EFHB: variants seen among roughly 807,000 people sequenced by gnomAD.
EFHB encodes the protein EF-hand domain-containing family member B.
In EFHB, 91 loss-of-function variants were observed where a neutral mutation model predicts 87.2. The ratio of observed to expected loss-of-function variants is 1.04; its 90% confidence interval spans 0.88 to 1.24. EFHB has a LOEUF of 1.24. Among genes scored for constraint, EFHB ranks in the 50% most tolerant of loss-of-function variants. The pLI is 0.00. For missense variants in EFHB, 1,084 were observed against 998.8 expected, an observed-to-expected ratio of 1.09 and a Z score of -1.15; for synonymous variants, 325 against 333.6, an observed-to-expected ratio of 0.97 and a Z score of 0.28.
At position 19,884,939 on chromosome 3, in the gene EFHB, C is replaced by A. The variant is rs1023412539; in HGVS notation, c.1934-324G>T. ...TTAAAAAAAAAAAAAAAAAATAGAG[C>A]GGCCAGGCACGGTGGCTCACGCCTG... On this transcript the variant is annotated intron_variant, in intron 10 of 12. Transcript: ENST00000295824. Among the ~76,000 whole-genome samples, 3 of 149,934 alleles carry A rather than the reference C, an allele frequency of 2.0e-5. No homozygotes were observed. In the South Asian group the frequency reaches 6.3e-4, roughly 31 times the overall value.
At chr3:19,914,094 C>A (rs1296728889) in intron 5 of EFHB, among the ~76,000 whole-genome samples, 2 of 152,174 alleles carry the variant, frequency 1.3e-5, no homozygotes, top group African/African-American at 4.8e-5. Context: ...CAGACACGCA[C>A]CACCATGCCT....
In EFHB at chr3:19,879,639, G is replaced by C. The variant is rs1446801081; in HGVS notation, c.2494C>G (p.Leu832Val). The C allele has an allele frequency of 6.4e-7, 1 of 1,566,410 alleles. No homozygotes were observed. Among genetic ancestry groups the C allele is most frequent in the East Asian group, 2.3e-5 (1 of 43,960 alleles). ...RHADRIKCKT[L>V]M ...AATGAAGTCCAAAAATATCACATGA[G>C]TGTTTTACACTTGATCCGGTCTGCA... The change falls in exon 13 of 13, where the codon CTC (leucine) becomes GTC (valine). Residue 832 changes from leucine (L) to valine (V), a missense_variant. Coordinates refer to ENST00000295824, the MANE Select transcript of EFHB (RefSeq NM_144715.4).
upstream of EFHB, chr3:19,934,350 G>GTC (rs1189076947): frequency 3.6e-5 from 32 of 880,456 alleles, no homozygotes; most frequent in East Asian, 1.1e-4. Flanking sequence ...TCTCTCCTCT[G>GTC]TCTCTCTCTC....
chr3:19,893,220 C>A (rs368282204), intron 9 of EFHB, among the ~76,000 whole-genome samples: 1 of 152,144 alleles, frequency 6.6e-6, no homozygotes, highest in Non-Finnish European at 1.5e-5. Flanking sequence ...GGATTACAGG[C>A]ATGAGCCACC....
intron 4 of EFHB, among the ~76,000 whole-genome samples, chr3:19,916,458 G>T (rs1229544873): frequency 5.4e-4 from 82 of 151,748 alleles, no homozygotes; most frequent in Non-Finnish European, 1.0e-3. Context: ...GAGGTTGCAG[G>T]GAGCCAAGAT....
intron 5 of EFHB, among the ~76,000 whole-genome samples, chr3:19,908,998 G>A (rs949174456): frequency 2.0e-5 from 3 of 151,702 alleles, no homozygotes; most frequent in Admixed American, 6.6e-5. Context: ...AAGCTCCACT[G>A]ATCATGTCCC....
intron 1 of EFHB, among the ~76,000 whole-genome samples, chr3:19,928,429 A>C (rs1018575804): frequency 6.6e-6 from 1 of 152,084 alleles, no homozygotes; most frequent in Non-Finnish European, 1.5e-5. Context: ...TTCCCATCAA[A>C]ATCAGAAAAG....
At chr3:19,936,833 A>C (rs1696033965), upstream of EFHB, among the ~76,000 whole-genome samples, 1 of 151,530 alleles carries the variant, frequency 6.6e-6, no homozygotes, top group African/African-American at 2.4e-5. Flanking sequence ...GCGCCATTGC[A>C]CTCCAGCCTG....
chr3:19,935,934 T>C (rs1302463126), upstream of EFHB, among the ~76,000 whole-genome samples: 2 of 131,190 alleles, frequency 1.5e-5, no homozygotes, highest in Non-Finnish European at 3.1e-5. Context: ...CGCTTGAACC[T>C]GGGAGGCGGA....
intron 1 of EFHB, among the ~76,000 whole-genome samples, chr3:19,925,976 T>C (rs1316095619): frequency 2.0e-5 from 3 of 152,180 alleles, no homozygotes; most frequent in African/African-American, 7.2e-5. Context: ...CTGAATCCAT[T>C]ATGCAAATAA....
In EFHB at chr3:19,934,007, C is replaced by T. The variant is rs1432318232; in HGVS notation, c.12G>A (p.Glu4=). 6.2e-7 allele frequency: 1 copy of T among 1,602,878 alleles called. No individual in the cohort carries two copies. Among genetic ancestry groups the T allele is most frequent in the East Asian group, 2.2e-5 (1 of 44,680 alleles). Residue 4 remains glutamate (E), a synonymous_variant, in exon 1 of 13, where the codon GAG becomes GAA. Coordinates refer to ENST00000295824, the MANE Select transcript of EFHB (RefSeq NM_144715.4). MNM[E]IGHPHEGKDD... is the part of the protein sequence containing the mutation. ...CCTTTCCTTCGTGGGGATGTCCAAT[C>T]TCCATGTTCATGGACGATTTCTCCC...
chr3:19,936,325 G>A, upstream of EFHB: 1 of 529,670 alleles, frequency 1.9e-6, no homozygotes. Flanking sequence ...ATGCCAGCCT[G>A]GGCGACAGAC....
At chr3:19,936,008 CAAAAA>C, upstream of EFHB, 365 of 543,924 alleles carry the variant, frequency 6.7e-4, no homozygotes, top group East Asian at 2.4e-3. Flanking sequence ...GACTCCATCT[CAAAAA>C]AAAAAAAAAA....
chr3:19,945,354 A>C (rs1445593232), intron 1 of EFHB, among the ~76,000 whole-genome samples: 1 of 152,226 alleles, frequency 6.6e-6, no homozygotes, highest in Non-Finnish European at 1.5e-5. Context: ...AGAGTGGCTA[A>C]AATGTAAAGA....
chr3:19,928,256 G>GA (rs1434783633), intron 1 of EFHB, among the ~76,000 whole-genome samples: 5 of 152,034 alleles, frequency 3.3e-5, no homozygotes, highest in South Asian at 2.1e-4. Context: ...TTTTAATTCA[G>GA]AAAAAATATA....
upstream of EFHB, among the ~76,000 whole-genome samples, chr3:19,935,537 C>A (rs370863839): frequency 3.3e-5 from 5 of 151,840 alleles, no homozygotes; most frequent in East Asian, 9.8e-4. Context: ...CATCGCGAAA[C>A]CCTGTCTCTA....
At chr3:19,907,114 T>C (rs1694867369) in intron 5 of EFHB, among the ~76,000 whole-genome samples, 1 of 150,320 alleles carries the variant, frequency 6.7e-6, no homozygotes, top group Non-Finnish European at 1.5e-5. Context: ...GAGGAAAAAC[T>C]TATTGACATT....
At chr3:19,882,895 T>C (rs2071716493) in intron 11 of EFHB, among the ~76,000 whole-genome samples, 164 bp from the exon 12 acceptor site, 1 of 152,200 alleles carries the variant, frequency 6.6e-6, no homozygotes, top group Admixed American at 6.6e-5. Context: ...AAGGAAAATA[T>C]TTAATAATTG....
At chr3:19,936,065 AG>A, upstream of EFHB, 1 of 1,269,106 alleles carries the variant, frequency 7.9e-7, no homozygotes, top group Non-Finnish European at 1.0e-6. Context: ...ACAGGATTCC[AG>A]AACTCTACAA....
Sources: allele counts gnomAD v4.1 joint callset (sites outside exome capture counted in the v4.1 genomes callset), GRCh38; gene constraint gnomAD v4.1.1; transcripts MANE v1.5; gene names NCBI Gene and HGNC (gene_info 2026-07-23, HGNC 2026-07-21).